Variants in ENTR1 observed in about 807,000 individuals in gnomAD.
The protein encoded by ENTR1 is endosome-associated-trafficking regulator 1.
Under a neutral mutation model 47.9 loss-of-function variants are expected in ENTR1, and 47 were observed. The observed-to-expected ratio is 0.98, with a 90% confidence interval of 0.78 to 1.25. ENTR1 has a LOEUF of 1.25. ENTR1 is among the 50% of genes most tolerant of loss of function. ENTR1 has a pLI of 0.00. For missense variants in ENTR1, 668 were observed against 570.5 expected (o/e 1.17, Z -1.74); for synonymous variants, 290 against 245.8 (o/e 1.18, Z -1.68).
intron 7 of ENTR1, 178 bp from the exon 8 acceptor site, chr9:136,404,871 G>A (rs1357757708): frequency 1.2e-5 from 8 of 686,980 alleles, no homozygotes; most frequent in South Asian, 3.6e-5. Context: ...AGGGCTCATC[G>A]TGCAGTGTCT....
At chr9:136,406,119 G>T in intron 5 of ENTR1, 141 bp from the exon 6 acceptor site, 2 of 513,752 alleles carry the variant, frequency 3.9e-6, no homozygotes, top group Non-Finnish European at 6.8e-6. Flanking sequence ...ACTACAGAGG[G>T]AGACCACAGA....
intron 3 of ENTR1, among the ~76,000 whole-genome samples, chr9:136,408,373 C>T (rs3124995): frequency 0.98 from 148,690 of 151,920 alleles, 72,784 homozygotes; most frequent in East Asian, 1. Context: ...GGTCAGGAGA[C>T]TGAGACCATC....
In ENTR1 at chr9:136,407,262, G is replaced by A. The variant is rs921088661; in HGVS notation, c.702C>T (p.Asp234=). ...PESLPSWALS[D]TDSRVSPASP... ...AGGCCGGAGACACGCGAGAATCAGT[G>A]TCACTCAACGCCCACGAGGGCAGAG... is the stretch of plus-strand genomic sequence containing the variant. The change falls in exon 5 of 10, where the codon GAC becomes GAT. Residue 234 remains aspartate (D), a synonymous_variant. Coordinates refer to ENST00000357365, the MANE Select transcript of ENTR1 (RefSeq NM_001039707.2). The A allele has an allele frequency of 2.5e-6, 4 of 1,613,054 alleles. No homozygotes were observed. Among genetic ancestry groups the A allele is most frequent in the Non-Finnish European group, 3.4e-6 (4 of 1,179,974 alleles).
rs1322801029 is a variant in ENTR1 at position 136,407,257 on chromosome 9, T to G, written c.707A>C (p.Asp236Ala). The G allele has an allele frequency of 1.2e-6, 2 of 1,612,976 alleles. No individual in the cohort carries two copies. Among genetic ancestry groups the G allele is most frequent in the Admixed American group, 1.7e-5 (1 of 60,018 alleles). ...SLPSWALSDTDSRVSPASPAG... is the reference protein window; with the variant it reads ...SLPSWALSDTASRVSPASPAG... ...CGGAGAGGCCGGAGACACGCGAGAATCAGTGTCACTCAACGCCCACGAGGG... is the reference window on the plus strand; with the variant it reads ...CGGAGAGGCCGGAGACACGCGAGAAGCAGTGTCACTCAACGCCCACGAGGG... Residue 236 changes from aspartate (D) to alanine (A), a missense_variant, in exon 5 of 10, where the codon GAT (aspartate) becomes GCT (alanine). Coordinates refer to ENST00000357365, the MANE Select transcript of ENTR1 (RefSeq NM_001039707.2).
At chr9:136,409,444 G>C (rs1834965586) in intron 2 of ENTR1, among the ~76,000 whole-genome samples, 2 of 152,184 alleles carry the variant, frequency 1.3e-5, no homozygotes, top group Non-Finnish European at 2.9e-5. Context: ...GCCTCCCAAA[G>C]TGCTGGGATT....
Position 136,402,796 on chromosome 9 carries a change from CT to C in ENTR1, c.1299del (p.Asp434ThrfsTer11). 6.2e-7 allele frequency: 1 copy of C among 1,612,248 alleles called. No homozygotes were observed. The highest frequency in any genetic ancestry group is 8.5e-7 in the Non-Finnish European group (1 of 1,179,208). The stretch of plus-strand genomic sequence containing the variant: ...AGAACACCCAGGGGTCCTCAAGAGT[CT>C]TCCTCCTCGTCTTTAACTTCAGAAA... ...DRISEVKDEEEDS is the reference protein window; with the variant it reads ...DRISEVKDEEXDS On this transcript the variant is annotated frameshift_variant, in exon 10 of 10. Coordinates refer to ENST00000357365, the MANE Select transcript of ENTR1 (RefSeq NM_001039707.2). LOFTEE classifies it high-confidence loss of function.
intron 2 of ENTR1, 175 bp downstream of exon 2, chr9:136,409,915 G>T: frequency 1.2e-6 from 1 of 821,716 alleles, no homozygotes; most frequent in Non-Finnish European, 2.1e-6. Context: ...AGGTCTCCCC[G>T]CAACCAGACT....
intron 2 of ENTR1, 22 bp downstream of exon 2, chr9:136,410,068 G>T: frequency 1.2e-6 from 2 of 1,612,514 alleles, no homozygotes; most frequent in Non-Finnish European, 1.7e-6. Flanking sequence ...GCGTCCCCGG[G>T]GCCGGCGCCC....
In ENTR1 at chr9:136,404,155, G is replaced by C. The variant is rs137877337; in HGVS notation, c.1108C>G (p.Arg370Gly). The change falls in exon 9 of 10, where the codon CGG (arginine) becomes GGG (glycine). Residue 370 changes from arginine (R) to glycine (G), a missense_variant. Physicochemically the swap from Arg to Gly is moderately radical, Grantham distance 125 (BLOSUM62 -2). Coordinates refer to ENST00000357365, the MANE Select transcript of ENTR1 (RefSeq NM_001039707.2). Reference sequence around the variant, plus strand: ...GTCAGGCTGGCACCCTGGCCGCACCGCAGGGCTTCATTCTCTCGCTGGAAG... The same window carrying C: ...GTCAGGCTGGCACCCTGGCCGCACCCCAGGGCTTCATTCTCTCGCTGGAAG... ...SNFQRENEAL[R>G]CGQGASLTVV... 6 of 1,612,700 alleles carry C rather than the reference G, an allele frequency of 3.7e-6. No individual in the cohort carries two copies. The East Asian group carries it at 1.1e-4, about 30-fold the overall frequency.
In ENTR1 at chr9:136,404,621, CT is replaced by C; in HGVS notation, c.1068+9del. 6.2e-7 allele frequency: 1 copy of C among 1,613,678 alleles called. No individual in the cohort carries two copies. The highest frequency in any genetic ancestry group is 8.5e-7 in the Non-Finnish European group (1 of 1,179,656). ...CAAAGAAAAACACTGAAGTCCCTTCCTTTAATTACCTGGAGCAAACTGATTT... is the reference window on the plus strand; with the variant it reads ...CAAAGAAAAACACTGAAGTCCCTTCCTTAATTACCTGGAGCAAACTGATTT... On this transcript the variant is annotated intron_variant, in intron 8 of 9. Transcript: ENST00000357365.
At position 136,407,443 on chromosome 9, in the gene ENTR1, A is replaced by C; in HGVS notation, c.521T>G (p.Leu174Arg). The change falls in exon 5 of 10, where the codon CTG becomes CGG. Residue 174 changes from leucine to arginine, a missense_variant. Coordinates refer to ENST00000357365, the MANE Select transcript of ENTR1 (RefSeq NM_001039707.2). The stretch of plus-strand genomic sequence containing the variant: ...GGTGTCCTCATCCTCCTCCTCATCC[A>C]GGAGGTCACCAGCCCCTGTCGGATC... ...FEDPTGAGDL[L>R]DEEEDEDTGW... 1 of 1,610,442 alleles carries C rather than the reference A, an allele frequency of 6.2e-7. No homozygotes were observed. Among genetic ancestry groups the C allele is most frequent in the Non-Finnish European group, 8.5e-7 (1 of 1,179,750 alleles).
intron 1 of ENTR1, 21 bp from the exon 2 acceptor site, chr9:136,410,260 G>A (rs748077469): frequency 3.5e-5 from 54 of 1,560,122 alleles, no homozygotes; most frequent in Middle Eastern, 3.3e-4. Context: ...CGACAACAGC[G>A]ACTTTACTGC....
chr9:136,406,008 G>C, intron 5 of ENTR1, 30 bp from the exon 6 acceptor site: 1 of 1,552,386 alleles, frequency 6.4e-7, no homozygotes, highest in South Asian at 1.2e-5. Context: ...TTATTAGAAA[G>C]TCAGCATGTC....
chr9:136,410,124 C>T lies in ENTR1; in HGVS notation c.186G>A (p.Val62=), dbSNP rs1835021097. The change falls in exon 2 of 10, where the codon GTG becomes GTA. Residue 62 remains valine, a synonymous_variant. Transcript: ENST00000357365. ...CCACGGAAGCCAGCACCGGGCTGGG[C>T]ACATAGCACATAAAGGCCGGCCGAA... is the stretch of plus-strand genomic sequence containing the variant. The part of the protein sequence containing the change: ...FGIRPAFMCY[V]PSPVLASVGD... 1 of 1,612,812 alleles carries T rather than the reference C, an allele frequency of 6.2e-7. No individual in the cohort carries two copies. Among genetic ancestry groups the T allele is most frequent in the Non-Finnish European group, 8.5e-7 (1 of 1,179,942 alleles).
rs1834520919 is a variant in ENTR1 at position 136,402,179 on chromosome 9, C to T, written c.*609G>A. ...AGAACCCCCAGCCAAAGAGGCACAT[C>T]TGGACAGCTTCACAGCACGGAACGT... On this transcript the variant is annotated 3_prime_UTR_variant, in exon 10 of 10. Transcript: ENST00000357365. 3 of 153,072 alleles carry T rather than the reference C, an allele frequency of 2.0e-5. No homozygotes were observed. Among genetic ancestry groups the T allele is most frequent in the East Asian group, 3.7e-4 (2 of 5,342 alleles). 9.5% of individuals were successfully genotyped at this position (153,072 alleles called of 1,614,324 possible). A position where few individuals can be genotyped will look rare whatever the true frequency, so the allele number is the denominator to read the frequency against.
Position 136,405,218 on chromosome 9 carries a change from C to A in ENTR1, c.894-16G>T, listed in dbSNP as rs764104283. ...CGTCCTCACCCTTGTTAAAGAAAAA[C>A]CCGAGTTGTTAATTTCTGTGGCTAC... On this transcript the variant is annotated splice_polypyrimidine_tract_variant and intron_variant, in intron 6 of 9. Coordinates refer to ENST00000357365, the MANE Select transcript of ENTR1 (RefSeq NM_001039707.2). 22 of 1,599,366 alleles carry A rather than the reference C, an allele frequency of 1.4e-5. No homozygotes were observed. The highest frequency in any genetic ancestry group is 1.9e-5 in the Non-Finnish European group (22 of 1,166,770).
At chr9:136,408,771 G>A (rs910231836) in intron 3 of ENTR1, among the ~76,000 whole-genome samples, 4 of 152,184 alleles carry the variant, frequency 2.6e-5, no homozygotes, top group Non-Finnish European at 5.9e-5. Flanking sequence ...TGAGCCCCAT[G>A]TAAAGCTGGC....
intron 8 of ENTR1, 74 bp from the exon 9 acceptor site, chr9:136,404,268 G>C: frequency 6.5e-7 from 1 of 1,536,740 alleles, no homozygotes; most frequent in Non-Finnish European, 8.8e-7. Flanking sequence ...CTGGCGAGGC[G>C]AGGGCTTACC....
intron 5 of ENTR1, 169 bp downstream of exon 5, chr9:136,406,976 T>A: frequency 3.0e-6 from 2 of 668,332 alleles, no homozygotes; most frequent in South Asian, 4.0e-5. Context: ...TATTCCCACG[T>A]GTAACCAGAA....
Sources: allele counts gnomAD v4.1 joint callset (sites outside exome capture counted in the v4.1 genomes callset), GRCh38; gene constraint gnomAD v4.1.1; transcripts MANE v1.5; gene names NCBI Gene and HGNC (gene_info 2026-07-23, HGNC 2026-07-21).